RETSAT: variants seen among roughly 807,000 people sequenced by gnomAD.
RETSAT encodes retinol saturase, also known as all-trans-retinol 13,14-reductase.
In RETSAT, 35 loss-of-function variants were observed where a neutral mutation model predicts 61.6. That is an observed-to-expected ratio of 0.57 (90% CI 0.43 to 0.75). The LOEUF (loss-of-function observed/expected upper bound fraction) is 0.75, where lower values mean the gene tolerates loss of function less well. Among genes scored for constraint, RETSAT ranks in the 30% least tolerant of loss-of-function variants. The pLI, the probability that RETSAT is intolerant of heterozygous loss-of-function variation, is 0.00. For missense variants in RETSAT, 670 were observed against 759.5 expected (o/e 0.88, Z 1.38); for synonymous variants, 277 against 310.4 (o/e 0.89, Z 1.13).
Position 85,350,920 on chromosome 2 carries a change from A to G in RETSAT, c.457T>C (p.Phe153Leu). ...QLDWAPLSSP[F>L]DIMVLEGPNG... is the part of the protein sequence containing the mutation. ...GGCCCTTCCAGTACCATGATGTCAA[A>G]AGGAGAGGACAGGGGAGCCCAGTCC... The change falls in exon 3 of 11, where the codon TTT becomes CTT. Residue 153 changes from phenylalanine (F) to leucine (L), a missense_variant. Coordinates refer to ENST00000295802, the MANE Select transcript of RETSAT (RefSeq NM_017750.4). The G allele has an allele frequency of 6.2e-7, 1 of 1,614,166 alleles. No individual in the cohort carries two copies. Among genetic ancestry groups the G allele is most frequent in the Non-Finnish European group, 8.5e-7 (1 of 1,180,020 alleles).
chr2:85,348,073 T>C (rs1184394267), intron 5 of RETSAT, among the ~76,000 whole-genome samples: 1 of 152,182 alleles, frequency 6.6e-6, no homozygotes, highest in African/African-American at 2.4e-5. Context: ...AACAGAGTCC[T>C]TCTTGCACAG....
rs1683116022 is a variant in RETSAT at position 85,343,155 on chromosome 2, A to G, written c.*87T>C. ...CAAATTAGAGTGCTTTATACGTGCA[A>G]GGAACTAATGCAGAAAGACATTATG... On this transcript the variant is annotated 3_prime_UTR_variant, in exon 11 of 11. Transcript: ENST00000295802. 1 of 1,554,008 alleles carries G rather than the reference A, an allele frequency of 6.4e-7. No individual in the cohort carries two copies. Among genetic ancestry groups the G allele is most frequent in the African/African-American group, 1.4e-5 (1 of 73,630 alleles).
In RETSAT at chr2:85,345,987, G is replaced by A. The variant is rs146678348; in HGVS notation, c.1105C>T (p.Arg369Cys). 1.6e-4 allele frequency: 258 copies of A among 1,614,030 alleles called. No individual in the cohort carries two copies. The African/African-American group carries it at 1.6e-3, about 10-fold the overall frequency. The part of the protein sequence containing the change: ...TYEHLLPGNA[R>C]CLPGVKQQLG... ...ACCCGCCTTTTACCTGGCAGGCAGC[G>A]GGCGTTCCCCGGCAGTAGGTGTTCA... The change falls in exon 6 of 11, where the codon CGC (arginine) becomes TGC (cysteine). Residue 369 changes from arginine (R) to cysteine (C), a missense_variant. Arg to Cys is a radical substitution (Grantham distance 180, BLOSUM62 -3). Transcript: ENST00000295802.
rs756680731 is a variant in RETSAT at position 85,344,595 on chromosome 2, C to T, written c.1255G>A (p.Ala419Thr). The change falls in exon 7 of 11, where the codon GCG becomes ACG. Residue 419 changes from alanine (A) to threonine (T), a missense_variant and splice_region_variant. Transcript: ENST00000295802. ...CATACACACACACGTGCACCTTACG[C>T]CTGGTCCATGTCCGTGTCATAGTAA... ...YVYYDTDMDQ[A>T]MERYVSMPRE... 2 of 1,614,116 alleles carry T rather than the reference C, an allele frequency of 1.2e-6. No homozygotes were observed. Among genetic ancestry groups the T allele is most frequent in the Non-Finnish European group, 1.7e-6 (2 of 1,179,982 alleles).
chr2:85,342,601 T>C lies in RETSAT; in HGVS notation c.*641A>G, dbSNP rs574914202. ...ATGAATTGGATATGATCATCTGACA[T>C]GCACCCTACTAACTGATGGATCCTG... On this transcript the variant is annotated 3_prime_UTR_variant, in exon 11 of 11. Coordinates refer to ENST00000295802, the MANE Select transcript of RETSAT (RefSeq NM_017750.4). 1.3e-5 allele frequency: 2 copies of C among 152,568 alleles called. No individual in the cohort carries two copies. The highest frequency in any genetic ancestry group is 2.9e-5 in the Non-Finnish European group (2 of 68,370). The allele number at this position is 152,568 out of a possible 1,614,324, so 9.5% of individuals were successfully genotyped here.
chr2:85,344,328 A>G lies in RETSAT; in HGVS notation c.1277T>C (p.Met426Thr), dbSNP rs1349317295. Residue 426 changes from methionine (M) to threonine (T), a missense_variant, in exon 8 of 11, where the codon ATG becomes ACG. Transcript: ENST00000295802. ...MDQAMERYVS[M>T]PREEAAEHIP... ...GTGTTCCGCAGCCTCTTCCCTGGGCATGGAGACGTAGCGCTCCATCCTGCA... is the reference window on the plus strand; with the variant it reads ...GTGTTCCGCAGCCTCTTCCCTGGGCGTGGAGACGTAGCGCTCCATCCTGCA... 6.2e-7 allele frequency: 1 copy of G among 1,614,108 alleles called. No homozygotes were observed.
rs1406347463 is a variant in RETSAT at position 85,354,497 on chromosome 2, G to A, written c.11C>T (p.Pro4Leu). ...CAGCACAGCCAGGAGCAGCACCAGC[G>A]GAAGCCACATCACGCCGGCGTCGGG... MWL[P>L]LVLLLAVLLL... Residue 4 changes from proline (P) to leucine (L), a missense_variant, in exon 1 of 11, where the codon CCG becomes CTG. Transcript: ENST00000295802. The A allele has an allele frequency of 4.3e-6, 7 of 1,610,046 alleles. No homozygotes were observed. The highest frequency in any genetic ancestry group is 4.5e-5 in the East Asian group (2 of 44,852).
intron 1 of RETSAT, among the ~76,000 whole-genome samples, chr2:85,353,659 G>T (rs529983355): frequency 5.3e-5 from 8 of 152,334 alleles, no homozygotes; most frequent in East Asian, 3.9e-4. Context: ...TACTGTCTCC[G>T]ATTGTGTAGC....
chr2:85,344,381 G>C (rs1372108750), intron 7 of RETSAT, 33 bp from the exon 8 acceptor site: 2 of 1,606,766 alleles, frequency 1.2e-6, no homozygotes, highest in Non-Finnish European at 1.7e-6. Context: ...GGGATCTCCA[G>C]GTTTTTGTCC....
At chr2:85,353,777 C>G (rs571016554) in intron 1 of RETSAT, among the ~76,000 whole-genome samples, 3 of 152,200 alleles carry the variant, frequency 2.0e-5, no homozygotes, top group African/African-American at 7.2e-5. Flanking sequence ...ACTCTAGAAG[C>G]AACCACAAAA....
rs1177875710 is a variant in RETSAT at position 85,343,122 on chromosome 2, A to T, written c.*120T>A. The T allele has an allele frequency of 7.0e-7, 1 of 1,436,010 alleles. No homozygotes were observed. The highest frequency in any genetic ancestry group is 9.5e-7 in the Non-Finnish European group (1 of 1,052,124). The allele number at this position is 1,436,010 out of a possible 1,614,324, so 89.0% of individuals were successfully genotyped here. A position where few individuals can be genotyped will look rare whatever the true frequency, so the allele number is the denominator to read the frequency against. ...ATTTAAACTAGGCCTCTCTTCAGGC[A>T]TCAGAACCAAATTAGAGTGCTTTAT... On this transcript the variant is annotated 3_prime_UTR_variant, in exon 11 of 11. Coordinates refer to ENST00000295802, the MANE Select transcript of RETSAT (RefSeq NM_017750.4).
intron 1 of RETSAT, among the ~76,000 whole-genome samples, chr2:85,354,033 G>A (rs574357780): frequency 6.6e-6 from 1 of 152,320 alleles, no homozygotes; most frequent in East Asian, 1.9e-4. Context: ...AATGAGTCAC[G>A]GGGATTATCA....
At chr2:85,344,839 G>A (rs1194646755) in intron 6 of RETSAT, 107 bp from the exon 7 acceptor site, 2 of 1,299,384 alleles carry the variant, frequency 1.5e-6, no homozygotes, top group Non-Finnish European at 2.1e-6. Flanking sequence ...CCTGAGGCAT[G>A]CCGGGCCCCT....
rs1446176276 is a variant in RETSAT, at chr2:85,348,950, C to T, written c.997+434G>A. Among the ~76,000 whole-genome samples the T allele has an allele frequency of 3.3e-5, 5 of 151,772 alleles. No homozygotes were observed. The East Asian group carries it at 5.9e-4, about 18-fold the overall frequency. On this transcript the variant is annotated intron_variant, in intron 5 of 10. Coordinates refer to ENST00000295802, the MANE Select transcript of RETSAT (RefSeq NM_017750.4). The stretch of plus-strand genomic sequence containing the variant: ...ATTTTTAGTAGAGACGGGGTTTCAC[C>T]GTATTGGCCAGGCTGGTCTCGAACT...
rs539669135 is a variant in RETSAT, at chr2:85,353,929, C to A, written c.172+407G>T. On this transcript the variant is annotated intron_variant, in intron 1 of 10. Coordinates refer to ENST00000295802, the MANE Select transcript of RETSAT (RefSeq NM_017750.4). ...GTTAAATCACCGGACGGGCAAAACGCAATTTCCTACGCATTTCTGTGCTGC... is the reference window on the plus strand; with the variant it reads ...GTTAAATCACCGGACGGGCAAAACGAAATTTCCTACGCATTTCTGTGCTGC... Among the ~76,000 whole-genome samples, 29 of 152,330 alleles carry A rather than the reference C, an allele frequency of 1.9e-4. No homozygotes were observed. The South Asian group carries it at 5.6e-3, about 29-fold the overall frequency.
intron 1 of RETSAT, among the ~76,000 whole-genome samples, chr2:85,353,757 A>G (rs1683363596): frequency 6.6e-6 from 1 of 152,232 alleles, no homozygotes; most frequent in African/African-American, 2.4e-5. Flanking sequence ...AAAGCAGCAG[A>G]ACTCTTTAAA....
At position 85,342,012 on chromosome 2, in the gene RETSAT, T is replaced by C. The variant is rs1427816544; in HGVS notation, c.*1230A>G. 1.9e-6 allele frequency: 1 copy of C among 528,144 alleles called. No individual in the cohort carries two copies. Among genetic ancestry groups the C allele is most frequent in the Non-Finnish European group, 3.3e-6 (1 of 301,162 alleles). The allele number at this position is 528,144 out of a possible 1,614,324, so 32.7% of individuals were successfully genotyped here. A position where few individuals can be genotyped will look rare whatever the true frequency, so the allele number is the denominator to read the frequency against. ...AAGCTTATTTTGGTGTTATTCAGTA[T>C]ATAGTGTTTTACTGAGCTTCTGCAA... is the stretch of plus-strand genomic sequence containing the variant. On this transcript the variant is annotated 3_prime_UTR_variant, in exon 11 of 11. Coordinates refer to ENST00000295802, the MANE Select transcript of RETSAT (RefSeq NM_017750.4).
At chr2:85,345,855 T>A in intron 6 of RETSAT, 120 bp downstream of exon 6, 1 of 1,274,982 alleles carries the variant, frequency 7.8e-7, no homozygotes, top group Non-Finnish European at 1.1e-6. Context: ...CCTTGTTGCT[T>A]AAGGACAATC....
rs747972997 is a variant in RETSAT at position 85,350,052 on chromosome 2, A to G, written c.787T>C (p.Phe263Leu). The G allele has an allele frequency of 6.2e-7, 1 of 1,613,664 alleles. No individual in the cohort carries two copies. Among genetic ancestry groups the G allele is most frequent in the South Asian group, 1.1e-5 (1 of 91,066 alleles). The change falls in exon 4 of 11, where the codon TTC becomes CTC. Residue 263 changes from phenylalanine (F) to leucine (L), a missense_variant. Phe to Leu is a conservative substitution (Grantham distance 22). Transcript: ENST00000295802. ...SELQAVLSYI[F>L]PTYGVTPNHS... ...GCCCAGTACCCACCGTAAGTGGGGA[A>G]GATGTAGCTGAGTACTGCCTGGAGC...
Sources: allele counts gnomAD v4.1 joint callset (sites outside exome capture counted in the v4.1 genomes callset), GRCh38; gene constraint gnomAD v4.1.1; transcripts MANE v1.5; gene names NCBI Gene and HGNC (gene_info 2026-07-23, HGNC 2026-07-21).